Variants in TTLL6 observed in about 807,000 individuals in gnomAD.
TTLL6 encodes tubulin tyrosine ligase like 6, also known as tubulin polyglutamylase TTLL6.
A neutral mutation model predicts 96.4 loss-of-function variants in TTLL6; 75 were observed. The ratio of observed to expected loss-of-function variants is 0.78; its 90% confidence interval spans 0.65 to 0.94. The LOEUF (loss-of-function observed/expected upper bound fraction) is 0.94. Ranked by LOEUF, TTLL6 falls within the 40% of genes least tolerant of loss-of-function variation. The pLI is 0.00. For synonymous variants in TTLL6, 411 were observed against 419.4 expected (o/e 0.98, Z 0.24); for missense variants, 1,030 against 1,093.0 (o/e 0.94, Z 0.81).
In TTLL6 at chr17:48,801,399, C is replaced by T. The variant is rs1023618743; in HGVS notation, c.481-14G>A. On this transcript the variant is annotated splice_polypyrimidine_tract_variant and intron_variant, in intron 4 of 15. Coordinates refer to ENST00000393382, the MANE Select transcript of TTLL6 (RefSeq NM_001130918.3). ...GTGATTGATCTTCTGGAAGGGAAGC[C>T]GGAATTCATGAGCAATCGAGGGACA... The T allele has an allele frequency of 1.1e-5, 17 of 1,551,366 alleles. No individual in the cohort carries two copies. The highest frequency in any genetic ancestry group is 8.2e-5 in the African/African-American group (6 of 72,978).
At chr17:48,797,456 T>C (rs1377130455) in intron 6 of TTLL6, among the ~76,000 whole-genome samples, 3 of 152,068 alleles carry the variant, frequency 2.0e-5, no homozygotes, top group Non-Finnish European at 4.4e-5. Flanking sequence ...TAACCACCTC[T>C]AAGAGGCACC....
At chr17:48,798,988 C>G (rs2039365513) in intron 6 of TTLL6, among the ~76,000 whole-genome samples, 1 of 151,910 alleles carries the variant, frequency 6.6e-6, no homozygotes, top group South Asian at 2.1e-4. Context: ...TGCCACCACG[C>G]CTGGCTAATT....
chr17:48,778,538 G>A (rs1475531244), intron 13 of TTLL6, among the ~76,000 whole-genome samples: 2 of 151,650 alleles, frequency 1.3e-5, no homozygotes, highest in African/African-American at 4.9e-5. Flanking sequence ...GCTCATGCCT[G>A]TAATCCCAGC....
chr17:48,796,045 G>A lies in TTLL6; in HGVS notation c.998+16C>T. 1 of 1,547,700 alleles carries A rather than the reference G, an allele frequency of 6.5e-7. No homozygotes were observed. Among genetic ancestry groups the A allele is most frequent in the Non-Finnish European group, 8.7e-7 (1 of 1,143,742 alleles). On this transcript the variant is annotated intron_variant, in intron 8 of 15. Transcript: ENST00000393382. The stretch of plus-strand genomic sequence containing the variant: ...GTTGGTAGGGAAAGGAAAGAAAAAT[G>A]AAGCCTCTTCCTTACCTCTTACTGC...
intron 13 of TTLL6, among the ~76,000 whole-genome samples, chr17:48,784,241 C>T (rs2039043625): frequency 6.6e-6 from 1 of 151,950 alleles, no homozygotes; most frequent in African/African-American, 2.4e-5. Context: ...ACCTTCTCGA[C>T]AAAAAATACA....
At chr17:48,807,436 A>C (rs1205591201) in intron 1 of TTLL6, among the ~76,000 whole-genome samples, 1 of 151,740 alleles carries the variant, frequency 6.6e-6, no homozygotes, top group Non-Finnish European at 1.5e-5. Context: ...AATTGTAATC[A>C]ATTTTGTATT....
At chr17:48,804,215 C>T (rs2039469190) in intron 2 of TTLL6, 1 of 565,126 alleles carries the variant, frequency 1.8e-6, no homozygotes, top group Non-Finnish European at 3.3e-6. Flanking sequence ...TGCCTCAAGC[C>T]TTTTACTCCA....
chr17:48,787,108 C>A (rs1204551593), intron 11 of TTLL6, among the ~76,000 whole-genome samples: 1 of 152,220 alleles, frequency 6.6e-6, no homozygotes. Context: ...GGATTACAGG[C>A]GTGAGCCACC....
At chr17:48,771,776 T>G (rs1160459805) in intron 13 of TTLL6, among the ~76,000 whole-genome samples, 1 of 151,646 alleles carries the variant, frequency 6.6e-6, no homozygotes, top group Non-Finnish European at 1.5e-5. Flanking sequence ...GCATCCAAAC[T>G]TAAAACCACT....
intron 3 of TTLL6, among the ~76,000 whole-genome samples, chr17:48,803,626 G>C (rs991041458): frequency 6.6e-6 from 1 of 152,182 alleles, no homozygotes; most frequent in Admixed American, 6.5e-5. Context: ...AGCAACAGCT[G>C]TCTCTTTTAC....
chr17:48,802,645 C>T (rs1002650747), intron 3 of TTLL6, among the ~76,000 whole-genome samples: 3 of 152,092 alleles, frequency 2.0e-5, no homozygotes, highest in East Asian at 1.9e-4. Context: ...CCAAGGTGGG[C>T]GGATCACCTG....
intron 3 of TTLL6, among the ~76,000 whole-genome samples, chr17:48,802,147 A>G (rs148428830): frequency 5.2e-4 from 67 of 128,298 alleles, no homozygotes; most frequent in African/African-American, 2.0e-3. Flanking sequence ...AGAAAGAAAG[A>G]AAGAAAATAA....
chr17:48,792,242 GA>G (rs1188049237), intron 8 of TTLL6, among the ~76,000 whole-genome samples: 1 of 152,168 alleles, frequency 6.6e-6, no homozygotes, highest in Non-Finnish European at 1.5e-5. Flanking sequence ...GATCACAGAT[GA>G]ACTCAGAGAT....
chr17:48,795,038 CAAG>C (rs2039292790), intron 8 of TTLL6, among the ~76,000 whole-genome samples: 1 of 152,118 alleles, frequency 6.6e-6, no homozygotes. Context: ...GTGAAAAATT[CAAG>C]AATAGGCCGG....
intron 9 of TTLL6, 78 bp downstream of exon 9, chr17:48,791,300 C>T (rs1248185742): frequency 7.0e-6 from 9 of 1,290,722 alleles, no homozygotes; most frequent in Admixed American, 5.9e-5. Context: ...TTTAGGTGAG[C>T]CAGGAGGGCG....
chr17:48,809,786 T>C (rs2039553003), intron 1 of TTLL6, among the ~76,000 whole-genome samples: 1 of 147,284 alleles, frequency 6.8e-6, no homozygotes, highest in Non-Finnish European at 1.5e-5. Context: ...AGCCTAAGAG[T>C]TTGAGGCAGC....
At chr17:48,791,628 G>A (rs1303430986) in intron 8 of TTLL6, 25 bp from the exon 9 acceptor site, 1 of 1,583,342 alleles carries the variant, frequency 6.3e-7, no homozygotes, top group Non-Finnish European at 8.6e-7. Context: ...CAGGCCAGGA[G>A]GCAGTGTAGC....
intron 1 of TTLL6, chr17:48,806,109 CAAA>C (rs11334275): frequency 2.5e-4 from 35 of 140,786 alleles, no homozygotes; most frequent in East Asian, 1.2e-3. Context: ...AACTCCATCT[CAAA>C]AAAAAAAAAA....
chr17:48,772,503 G>A (rs1025096554), intron 13 of TTLL6, among the ~76,000 whole-genome samples: 3 of 152,030 alleles, frequency 2.0e-5, no homozygotes, highest in Non-Finnish European at 4.4e-5. Flanking sequence ...AGGCCGAGGT[G>A]GGCGGATCAC....
Sources: gnomAD v4.1 joint callset for allele counts (sites outside exome capture counted in the v4.1 genomes callset) on GRCh38, gnomAD v4.1.1 for gene constraint, MANE v1.5 for transcripts, NCBI Gene and HGNC (gene_info 2026-07-23, HGNC 2026-07-21) for gene names.